PRR16: variants seen among roughly 807,000 people sequenced by gnomAD.
The protein encoded by PRR16 is proline rich 16, also known as protein Largen.
Under a neutral mutation model 18.2 loss-of-function variants are expected in PRR16, and 6 were observed. The ratio of observed to expected loss-of-function variants is 0.33; its 90% CI spans 0.18 to 0.65. The LOEUF is 0.65. PRR16 is among the 30% of genes least tolerant of loss of function. The pLI is 0.74. For missense variants in PRR16, 412 were observed against 376.6 expected (o/e 1.09, Z -0.78); for synonymous variants, 151 against 147.8 (o/e 1.02, Z -0.16).
chr5:120,698,970 GA>G, the PRR16 span, among the ~76,000 whole-genome samples: 1 of 152,180 alleles, frequency 6.6e-6, no homozygotes, highest in African/African-American at 2.4e-5. Context: ...ATGTCTGACA[GA>G]AGGGAAGAAA....
At chr5:120,588,681 T>C (rs1389247026) in intron 1 of PRR16, among the ~76,000 whole-genome samples, 1 of 152,234 alleles carries the variant, frequency 6.6e-6, no homozygotes, top group African/African-American at 2.4e-5. Flanking sequence ...GCTCTGGAAC[T>C]AAATTCACAA....
chr5:120,608,812 C>A (rs1295477592), intron 1 of PRR16, among the ~76,000 whole-genome samples: 1 of 152,122 alleles, frequency 6.6e-6, no homozygotes. Flanking sequence ...TGTATTTTGA[C>A]CTTCGAAAAT....
chr5:120,683,357 G>A (rs576592686), intron 1 of PRR16, among the ~76,000 whole-genome samples: 1 of 151,724 alleles, frequency 6.6e-6, no homozygotes, highest in Non-Finnish European at 1.5e-5. Flanking sequence ...AAAAAATTAG[G>A]TGGGTGTGGT....
the PRR16 span, among the ~76,000 whole-genome samples, chr5:120,769,941 T>C: frequency 1.2e-5 from 1 of 83,118 alleles, no homozygotes; most frequent in Non-Finnish European, 3.0e-5. Context: ...ACTTTTGACT[T>C]TCATTTCTTT....
At chr5:120,768,464 T>C in the PRR16 span, among the ~76,000 whole-genome samples, 1 of 151,622 alleles carries the variant, frequency 6.6e-6, no homozygotes, top group Non-Finnish European at 1.5e-5. Context: ...AAAATATATA[T>C]ATAGAATTTA....
chr5:120,574,172 A>G lies in PRR16; in HGVS notation c.159+109527A>G, dbSNP rs191906530. 2.1e-3 allele frequency among the ~76,000 whole-genome samples: 321 copies of G among 152,294 alleles called. 1 individual carries two copies. The highest frequency in any genetic ancestry group is 3.7e-3 in the Non-Finnish European group (252 of 68,008). ...CATAAAGTGAATTAAAATGCATGGA[A>G]CAGATAGGGAAAGAAATTTGTAATA... On this transcript the variant is annotated intron_variant, in intron 1 of 1. Transcript: ENST00000407149.
At chr5:120,698,162 G>C in the PRR16 span, among the ~76,000 whole-genome samples, 1 of 152,094 alleles carries the variant, frequency 6.6e-6, no homozygotes, top group Non-Finnish European at 1.5e-5. Flanking sequence ...GCTGCTTCGA[G>C]CAGGGTGAGG....
chr5:120,741,271 A>C, the PRR16 span, among the ~76,000 whole-genome samples: 2 of 152,194 alleles, frequency 1.3e-5, no homozygotes, highest in Admixed American at 1.3e-4. Context: ...ATTGAGGCAG[A>C]GTCTCACTGT....
chr5:120,483,008 G>C (rs966663919), intron 1 of PRR16, among the ~76,000 whole-genome samples: 7 of 152,116 alleles, frequency 4.6e-5, no homozygotes, highest in South Asian at 2.1e-4. Context: ...GTTATGGTAG[G>C]TTAGGTAGGT....
chr5:120,510,437 G>T (rs1020824909), intron 1 of PRR16, among the ~76,000 whole-genome samples: 11 of 152,138 alleles, frequency 7.2e-5, no homozygotes, highest in African/African-American at 2.4e-4. Flanking sequence ...AAAAATTACT[G>T]CCTGGCATGC....
chr5:120,642,270 TTC>T (rs1491486145), intron 1 of PRR16, among the ~76,000 whole-genome samples: 1 of 152,026 alleles, frequency 6.6e-6, no homozygotes, highest in Middle Eastern at 3.2e-3. Flanking sequence ...GTTTTTTTTT[TTC>T]CCCTAACAGT....
chr5:120,740,437 TTTC>T, the PRR16 span, among the ~76,000 whole-genome samples: 3 of 152,172 alleles, frequency 2.0e-5, no homozygotes, highest in Non-Finnish European at 4.4e-5. Flanking sequence ...CTATTGGAAA[TTTC>T]TTGTGTTCAT....
At chr5:120,623,880 G>A (rs1411694710) in intron 1 of PRR16, among the ~76,000 whole-genome samples, 2 of 151,960 alleles carry the variant, frequency 1.3e-5, no homozygotes, top group East Asian at 3.9e-4. Context: ...ATATGTTAAT[G>A]AGCTTGATTT....
chr5:120,673,827 T>G (rs942164714), intron 1 of PRR16, among the ~76,000 whole-genome samples: 2 of 151,966 alleles, frequency 1.3e-5, no homozygotes, highest in Non-Finnish European at 2.9e-5. Context: ...TGGTGGCACA[T>G]GCCTGTAATC....
At chr5:120,717,276 G>A in the PRR16 span, among the ~76,000 whole-genome samples, 2 of 152,264 alleles carry the variant, frequency 1.3e-5, no homozygotes, top group Admixed American at 6.5e-5. Context: ...TTTCTAACTA[G>A]TGGCAGATTC....
chr5:120,781,910 G>C, the PRR16 span, among the ~76,000 whole-genome samples: 1 of 152,066 alleles, frequency 6.6e-6, no homozygotes, highest in Non-Finnish European at 1.5e-5. Context: ...AAGGGAAAAG[G>C]TTGCAAGAAT....
At chr5:120,736,155 G>T in the PRR16 span, among the ~76,000 whole-genome samples, 1 of 152,188 alleles carries the variant, frequency 6.6e-6, no homozygotes, top group African/African-American at 2.4e-5. Flanking sequence ...ATGGGCTGTT[G>T]ATTCTACTGC....
intron 1 of PRR16, among the ~76,000 whole-genome samples, chr5:120,481,445 T>A (rs1223887340): frequency 6.6e-6 from 1 of 152,188 alleles, no homozygotes; most frequent in African/African-American, 2.4e-5. Flanking sequence ...TTAAAATATA[T>A]CATTGCCGAT....
the PRR16 span, among the ~76,000 whole-genome samples, chr5:120,741,415 A>G: frequency 3.4e-3 from 520 of 152,252 alleles, 4 homozygotes; most frequent in Non-Finnish European, 5.6e-3. Context: ...TCTATAAACA[A>G]GGAAAGTTTT....
Sources: gnomAD v4.1 joint callset for allele counts (sites outside exome capture counted in the v4.1 genomes callset) on GRCh38, gnomAD v4.1.1 for gene constraint, MANE v1.5 for transcripts, NCBI Gene and HGNC (gene_info 2026-07-23, HGNC 2026-07-21) for gene names.